PEX1: variants seen among roughly 807,000 people sequenced by gnomAD.
PEX1 encodes peroxisomal biogenesis factor 1, also known as peroxisomal ATPase PEX1.
PEX1 carries 97 observed loss-of-function variants against 152.5 expected under a neutral mutation model. The observed-to-expected ratio is 0.64, with a 90% CI of 0.54 to 0.75. PEX1 has a LOEUF of 0.75. PEX1 is among the 30% of genes least tolerant of loss of function. The pLI is 0.00. For missense variants in PEX1, 1,357 were observed against 1,516.3 expected (o/e 0.89, Z 1.74); for synonymous variants, 485 against 531.6 (o/e 0.91, Z 1.21).
chr7:92,494,407 AAAG>A lies in PEX1; in HGVS notation c.2927-14_2927-12del, dbSNP rs1228648212. 2.5e-6 allele frequency: 4 copies of A among 1,613,734 alleles called. No individual in the cohort carries two copies. Among genetic ancestry groups the A allele is most frequent in the Admixed American group, 1.7e-5 (1 of 60,018 alleles). ...CCAATACATAAACACCTAGAGGAAA[AAAG>A]AACATTTTTTTACCAAAATCTGATG... On this transcript the variant is annotated splice_polypyrimidine_tract_variant and intron_variant, in intron 18 of 23. Transcript: ENST00000248633.
chr7:92,507,214 TGTA>T, intron 9 of PEX1, 88 bp from the exon 10 acceptor site: 3 of 1,064,724 alleles, frequency 2.8e-6, no homozygotes, highest in Non-Finnish European at 4.2e-6. Context: ...GCCTTCCCAG[TGTA>T]GTTAATTAAT....
chr7:92,521,855 A>C (rs1421546408), intron 2 of PEX1, among the ~76,000 whole-genome samples: 1 of 152,224 alleles, frequency 6.6e-6, no homozygotes, highest in Non-Finnish European at 1.5e-5. Context: ...TCATGAAACC[A>C]AAATTAGGGG....
At chr7:92,514,000 T>C (rs2116221872) in intron 5 of PEX1, 33 bp from the exon 6 acceptor site, 1 of 1,333,926 alleles carries the variant, frequency 7.5e-7, no homozygotes, top group East Asian at 2.4e-5. Flanking sequence ...AATATAAATA[T>C]ATTCAAAGCT....
At position 92,518,239 on chromosome 7, in the gene PEX1, G is replaced by A; in HGVS notation, c.374C>T (p.Ser125Phe). 5 of 1,607,670 alleles carry A rather than the reference G, an allele frequency of 3.1e-6. No individual in the cohort carries two copies. The highest frequency in any genetic ancestry group is 4.3e-6 in the Non-Finnish European group (5 of 1,174,280). The change falls in exon 4 of 24, where the codon TCC (serine) becomes TTC (phenylalanine). Residue 125 changes from serine to phenylalanine, a missense_variant. By Grantham distance (155) the Ser-to-Phe change is radical. Transcript: ENST00000248633. ...TTGATCTAGAAGATGTTGTTCAAGG[G>A]AAACAGCATGCAGCTCCTAGAACCA... ...DWEILELHAV[S>F]LEQHLLDQIR...
chr7:92,510,828 C>T, intron 8 of PEX1, 116 bp downstream of exon 8: 1 of 624,006 alleles, frequency 1.6e-6, no homozygotes. Context: ...ATTCCTTACT[C>T]TTAGCAGGTT....
chr7:92,522,142 C>G lies in PEX1; in HGVS notation c.233G>C (p.Arg78Thr), dbSNP rs2116268284. 1.2e-6 allele frequency: 2 copies of G among 1,614,168 alleles called. No homozygotes were observed. Among genetic ancestry groups the G allele is most frequent in the African/African-American group, 1.3e-5 (1 of 75,066 alleles). ...GAGTCCAAGTTTTTGACCAACTTGT[C>G]TGTTAATTTCAGCCACATTTTCACC... is the stretch of plus-strand genomic sequence containing the variant. Reference protein sequence around the residue: ...DQGENVAEINRQVGQKLGLSN... With the variant: ...DQGENVAEINTQVGQKLGLSN... The change falls in exon 2 of 24, where the codon AGA becomes ACA. Residue 78 changes from arginine to threonine, a missense_variant. By Grantham distance (71) the Arg-to-Thr change is moderately conservative. Transcript: ENST00000248633.
chr7:92,493,317 T>C, intron 19 of PEX1, 188 bp from the exon 20 acceptor site: 1 of 406,472 alleles, frequency 2.5e-6, no homozygotes, highest in Middle Eastern at 6.6e-4. Context: ...AGAAATAATA[T>C]ATATAGGAAA....
chr7:92,500,616 G>A (rs1791881170), intron 15 of PEX1, among the ~76,000 whole-genome samples: 1 of 152,090 alleles, frequency 6.6e-6, no homozygotes, highest in Non-Finnish European at 1.5e-5. Flanking sequence ...TAACAGTCCT[G>A]GGCTGCAATC....
intron 5 of PEX1, among the ~76,000 whole-genome samples, chr7:92,515,339 A>G (rs925086681): frequency 1.3e-5 from 2 of 151,916 alleles, no homozygotes; most frequent in Admixed American, 6.6e-5. Context: ...TTTAATCACC[A>G]TGCTTCACAG....
chr7:92,502,265 G>C (rs1314880318), intron 13 of PEX1, among the ~76,000 whole-genome samples, 186 bp from the exon 14 acceptor site: 1 of 152,108 alleles, frequency 6.6e-6, no homozygotes, highest in Non-Finnish European at 1.5e-5. Flanking sequence ...TGATGAAAAT[G>C]TTTGTTTCCT....
Position 92,511,114 on chromosome 7 carries a change from A to G in PEX1, c.1484-67T>C. 5 of 819,832 alleles carry G rather than the reference A, an allele frequency of 6.1e-6. No individual in the cohort carries two copies. In the East Asian group the frequency reaches 1.3e-4, roughly 21 times the overall value. 50.8% of individuals were successfully genotyped at this position (819,832 alleles called of 1,614,324 possible). A position where few individuals can be genotyped will look rare whatever the true frequency, so the allele number is the denominator to read the frequency against. ...CAGAGATGAAATAATTTAAGATTTT[A>G]AATGTCAAATTTATTTAAGTTAAAG... On this transcript the variant is annotated intron_variant, in intron 7 of 23. Transcript: ENST00000248633.
At chr7:92,493,982 C>A in intron 19 of PEX1, 2 of 292,918 alleles carry the variant, frequency 6.8e-6, no homozygotes, top group Non-Finnish European at 1.3e-5. Context: ...TTTTTTTTGA[C>A]AGGATAATGG....
At position 92,517,534 on chromosome 7, in the gene PEX1, G is replaced by A; in HGVS notation, c.981C>T (p.Ser327=). ...CTAGCTTTCCATATGTCACAGTAAA[G>A]CTGGGCTCTACATCAAAATATTCCT... ...WDQEYFDVEP[S]FTVTYGKLVK... The change falls in exon 5 of 24, where the codon AGC becomes AGT. Residue 327 remains serine, a synonymous_variant. Coordinates refer to ENST00000248633, the MANE Select transcript of PEX1 (RefSeq NM_000466.3). The A allele has an allele frequency of 6.2e-7, 1 of 1,614,040 alleles. No homozygotes were observed. The highest frequency in any genetic ancestry group is 2.2e-5 in the East Asian group (1 of 44,864).
chr7:92,505,736 G>A (rs980594653), intron 11 of PEX1, among the ~76,000 whole-genome samples: 2 of 152,090 alleles, frequency 1.3e-5, no homozygotes, highest in African/African-American at 4.8e-5. Flanking sequence ...ATATGACAGC[G>A]GTACCCATGG....
intron 8 of PEX1, among the ~76,000 whole-genome samples, chr7:92,509,867 G>C (rs1237319573): frequency 1.3e-5 from 2 of 152,126 alleles, no homozygotes; most frequent in African/African-American, 4.8e-5. Flanking sequence ...CTCTTGGCTG[G>C]GTGTGGTGGT....
rs1790973864 is a variant in PEX1 at position 92,487,317 on chromosome 7, C to T, written c.*140G>A. 1.7e-6 allele frequency: 1 copy of T among 576,744 alleles called. No homozygotes were observed. The allele number at this position is 576,744 out of a possible 1,614,324, so 35.7% of individuals were successfully genotyped here. On this transcript the variant is annotated 3_prime_UTR_variant, in exon 24 of 24. Coordinates refer to ENST00000248633, the MANE Select transcript of PEX1 (RefSeq NM_000466.3). ...AATCCTGATCATTACATAATTATAG[C>T]ATTTACCAATCTGTGATTTTATAAA...
chr7:92,489,847 T>G lies in PEX1; in HGVS notation c.3503A>C (p.Asp1168Ala), dbSNP rs182452430. ...CACTGGAGGCTGTGAAAACAACTGG[T>G]CTTTCCCAGGAACTCCAGGCAAATC... is the stretch of plus-strand genomic sequence containing the variant. ...TQDLPGVPGK[D>A]QLFSQPPVLR... is the part of the protein sequence containing the mutation. Residue 1168 changes from aspartate to alanine, a missense_variant, in exon 22 of 24, where the codon GAC becomes GCC. Coordinates refer to ENST00000248633, the MANE Select transcript of PEX1 (RefSeq NM_000466.3). 1.2e-6 allele frequency: 2 copies of G among 1,613,934 alleles called. No homozygotes were observed. The highest frequency in any genetic ancestry group is 1.7e-6 in the Non-Finnish European group (2 of 1,179,966).
Position 92,489,415 on chromosome 7 carries a change from T to C in PEX1, c.3645A>G (p.Glu1215=), listed in dbSNP as rs483352694. 2.0e-5 allele frequency: 32 copies of C among 1,612,968 alleles called. No individual in the cohort carries two copies. Among genetic ancestry groups the C allele is most frequent in the Non-Finnish European group, 2.7e-5 (32 of 1,179,196 alleles). The change falls in exon 23 of 24, where the codon GAA becomes GAG. Residue 1215 remains glutamate (E), a synonymous_variant. Transcript: ENST00000248633. Reference sequence around the variant, plus strand: ...TGATTGGTCCTGGTTGGTTCATGGATTCGTCCTCCTTAAGTAAAAAAAGAA... The same window carrying C: ...TGATTGGTCCTGGTTGGTTCATGGACTCGTCCTCCTTAAGTAAAAAAAGAA... ...GRYRSQSGED[E]SMNQPGPIKT...
chr7:92,515,237 G>A (rs909638794), intron 5 of PEX1, among the ~76,000 whole-genome samples: 10 of 151,414 alleles, frequency 6.6e-5, no homozygotes, highest in Non-Finnish European at 2.9e-5. Context: ...ACATATTAAT[G>A]GTAGACAAAA....
Sources: allele counts gnomAD v4.1 joint callset (sites outside exome capture counted in the v4.1 genomes callset), GRCh38; gene constraint gnomAD v4.1.1; transcripts MANE v1.5; gene names NCBI Gene and HGNC (gene_info 2026-07-23, HGNC 2026-07-21).